ARHGAP21: variants seen among roughly 807,000 people sequenced by gnomAD.
ARHGAP21 encodes rho GTPase-activating protein 21.
ARHGAP21 carries 38 observed loss-of-function variants against 164.6 expected under a neutral mutation model. That is an observed-to-expected ratio of 0.23 (90% confidence interval 0.18 to 0.30). The LOEUF is 0.30. ARHGAP21 is among the 10% of genes least tolerant of loss of function. The pLI is 1.00. For missense variants in ARHGAP21, 1,822 were observed against 2,370.7 expected, an observed-to-expected ratio of 0.77 and a Z score of 4.81; for synonymous variants, 766 against 857.9, an observed-to-expected ratio of 0.89 and a Z score of 1.87.
In ARHGAP21 at chr10:24,619,728, T is replaced by C; in HGVS notation, c.2167A>G (p.Thr723Ala). The change falls in exon 9 of 26, where the codon ACT (threonine) becomes GCT (alanine). Residue 723 changes from threonine to alanine, a missense_variant. Physicochemically the swap from Thr to Ala is moderately conservative, Grantham distance 58. Coordinates refer to ENST00000396432, the MANE Select transcript of ARHGAP21 (RefSeq NM_020824.4). ...TTATCTAAAGTATCTGATTGCTCAG[T>C]TTCAGCCTCTTGTAAACTTAAATCT... ...NQDLSLQEAE[T>A]EQSDTLDNKE... The C allele has an allele frequency of 1.2e-6, 2 of 1,614,198 alleles. No homozygotes were observed. Among genetic ancestry groups the C allele is most frequent in the Non-Finnish European group, 1.7e-6 (2 of 1,180,040 alleles).
chr10:24,714,923 G>C (rs1278281576), intron 2 of ARHGAP21, among the ~76,000 whole-genome samples: 1 of 151,768 alleles, frequency 6.6e-6, no homozygotes, highest in Non-Finnish European at 1.5e-5. Context: ...CCAGCTACTC[G>C]GGAGGCTGAG....
chr10:24,614,475 G>A lies in ARHGAP21; in HGVS notation c.2422+4998C>T, dbSNP rs1473940978. On this transcript the variant is annotated intron_variant, in intron 9 of 25. Transcript: ENST00000396432. Reference sequence around the variant, plus strand: ...TGAAAAGGCTCCAAAGTCTACTTTAGTGAAACAATTTCATAGTTTATAAGA... The same window carrying A: ...TGAAAAGGCTCCAAAGTCTACTTTAATGAAACAATTTCATAGTTTATAAGA... Among the ~76,000 whole-genome samples, 14 of 152,310 alleles carry A rather than the reference G, an allele frequency of 9.2e-5. 1 individual carries two copies. The East Asian group carries it at 1.5e-3, about 17-fold the overall frequency.
chr10:24,718,571 C>A (rs1845626664), intron 2 of ARHGAP21, among the ~76,000 whole-genome samples: 1 of 152,060 alleles, frequency 6.6e-6, no homozygotes, highest in Non-Finnish European at 1.5e-5. Context: ...AGAGAGAGCG[C>A]CTGAGAAGGA....
intron 2 of ARHGAP21, 136 bp from the exon 3 acceptor site, chr10:24,670,533 C>A (rs1593238459): frequency 4.3e-6 from 2 of 465,782 alleles, no homozygotes; most frequent in African/African-American, 2.0e-5. Context: ...ACAAAGCATG[C>A]AATTATCAAA....
At chr10:24,622,599 G>T in intron 8 of ARHGAP21, 134 bp downstream of exon 8, 1 of 930,608 alleles carries the variant, frequency 1.1e-6, no homozygotes, top group Non-Finnish European at 1.6e-6. Context: ...AACGTATTCT[G>T]CAAATTAGTA....
Position 24,600,647 on chromosome 10 carries a change from T to C in ARHGAP21, c.3131A>G (p.Glu1044Gly), listed in dbSNP as rs1564981025. The C allele has an allele frequency of 1.2e-6, 2 of 1,612,418 alleles. No individual in the cohort carries two copies. The highest frequency in any genetic ancestry group is 1.7e-6 in the Non-Finnish European group (2 of 1,178,572). ...TCCAGCATTCCTTTGAACACCCACCTCTTCGTTTAGGTTGCTGCTCTCCTG... is the reference window on the plus strand; with the variant it reads ...TCCAGCATTCCTTTGAACACCCACCCCTTCGTTTAGGTTGCTGCTCTCCTG... ...TIQESSNLNE[E>G]DTGVTNRDLI... The change falls in exon 14 of 26, where the codon GAG (glutamate) becomes GGG (glycine). Residue 1044 changes from glutamate to glycine, a missense_variant and splice_region_variant. Transcript: ENST00000396432.
intron 7 of ARHGAP21, among the ~76,000 whole-genome samples, chr10:24,623,009 CT>C (rs1834733168): frequency 6.6e-6 from 1 of 152,188 alleles, no homozygotes; most frequent in South Asian, 2.1e-4. Flanking sequence ...CAAAATACAT[CT>C]GGTGACATGC....
rs55821707 is a variant in ARHGAP21, at chr10:24,610,249, C to T, written c.2423-2346G>A. On this transcript the variant is annotated intron_variant, in intron 9 of 25. Coordinates refer to ENST00000396432, the MANE Select transcript of ARHGAP21 (RefSeq NM_020824.4). ...AAAATTAGCTGGGCATGGTGGTGCGCGCCTGTAGTCCCAGCTACTCGGGAA... is the reference window on the plus strand; with the variant it reads ...AAAATTAGCTGGGCATGGTGGTGCGTGCCTGTAGTCCCAGCTACTCGGGAA... Among the ~76,000 whole-genome samples, 953 of 152,016 alleles carry T rather than the reference C, an allele frequency of 6.3e-3. 13 individuals are homozygous for T. The highest frequency in any genetic ancestry group is 0.021 in the African/African-American group (885 of 41,484).
At chr10:24,712,176 A>G (rs1419428493) in intron 2 of ARHGAP21, among the ~76,000 whole-genome samples, 1 of 152,158 alleles carries the variant, frequency 6.6e-6, no homozygotes, top group African/African-American at 2.4e-5. Context: ...TCAGCTTCCC[A>G]AAGTGCTGGG....
At chr10:24,656,091 C>T (rs1254741435) in intron 4 of ARHGAP21, among the ~76,000 whole-genome samples, 11 of 146,656 alleles carry the variant, frequency 7.5e-5, no homozygotes, top group East Asian at 6.4e-4. Context: ...GGAGCCTCTC[C>T]GCCCGGCAGC....
rs528269388 is a variant in ARHGAP21, at chr10:24,607,870, A to G, written c.2456T>C (p.Ile819Thr). ...EPTSPSIDHDIAHIPASAVIS... is the reference protein window; with the variant it reads ...EPTSPSIDHDTAHIPASAVIS... ...AACAGCAGAGGCAGGGATATGTGCA[A>G]TATCATGATCAATGCTAGGGCTAGT... The change falls in exon 10 of 26, where the codon ATT becomes ACT. Residue 819 changes from isoleucine (I) to threonine (T), a missense_variant. By Grantham distance (89) the Ile-to-Thr change is moderately conservative. Around this residue, in one of 5 missense-constraint regions of ARHGAP21, gnomAD observed 1,090 missense variants for 1,378.9 expected, o/e 0.79. Coordinates refer to ENST00000396432, the MANE Select transcript of ARHGAP21 (RefSeq NM_020824.4). 3.7e-6 allele frequency: 6 copies of G among 1,613,836 alleles called. No individual in the cohort carries two copies. The highest frequency in any genetic ancestry group is 3.3e-5 in the Admixed American group (2 of 59,970).
intron 24 of ARHGAP21, chr10:24,589,998 T>C (rs1468426310): frequency 1.4e-5 from 3 of 217,400 alleles, no homozygotes; most frequent in Non-Finnish European, 2.4e-5. Flanking sequence ...ATGGAGACCA[T>C]AATTTTACTG....
At chr10:24,656,136 G>C (rs1303745989) in intron 4 of ARHGAP21, among the ~76,000 whole-genome samples, 2 of 140,822 alleles carry the variant, frequency 1.4e-5, no homozygotes, top group Admixed American at 1.4e-4. Flanking sequence ...GTCTCCGCCC[G>C]GCAGCCACCC....
chr10:24,600,521 A>G (rs1486690850), intron 14 of ARHGAP21, 125 bp downstream of exon 14: 7 of 1,215,654 alleles, frequency 5.8e-6, no homozygotes, highest in South Asian at 5.2e-5. Flanking sequence ...CTTTTCATCA[A>G]CTGTTTTACA....
At chr10:24,641,801 C>T (rs1837055690) in intron 4 of ARHGAP21, among the ~76,000 whole-genome samples, 1 of 151,952 alleles carries the variant, frequency 6.6e-6, no homozygotes. Context: ...CAAGACCAGC[C>T]TGGCTAAGAT....
chr10:24,617,358 T>C (rs1834055303), intron 9 of ARHGAP21, among the ~76,000 whole-genome samples: 1 of 152,202 alleles, frequency 6.6e-6, no homozygotes, highest in Non-Finnish European at 1.5e-5. Context: ...GATGCCACTG[T>C]TCTGATAAGA....
chr10:24,616,009 C>A (rs1833913709), intron 9 of ARHGAP21, among the ~76,000 whole-genome samples: 1 of 152,198 alleles, frequency 6.6e-6, no homozygotes, highest in Admixed American at 6.5e-5. Context: ...AACTCCCAAC[C>A]TCAAGTGATC....
In ARHGAP21 at chr10:24,622,725, TTTC is replaced by T; in HGVS notation, c.525+5_525+7del. On this transcript the variant is annotated splice_donor_5th_base_variant and intron_variant, in intron 8 of 25. Transcript: ENST00000396432. ...AAAGCAAGGAAATGGCTACTGTGCA[TTTC>T]TTACCAGTGCTGTGACATCCTTTGT... The T allele has an allele frequency of 6.2e-7, 1 of 1,610,440 alleles. No individual in the cohort carries two copies. The highest frequency in any genetic ancestry group is 8.5e-7 in the Non-Finnish European group (1 of 1,178,680).
intron 9 of ARHGAP21, among the ~76,000 whole-genome samples, chr10:24,618,448 A>G (rs923830622): frequency 1.3e-5 from 2 of 152,180 alleles, no homozygotes; most frequent in African/African-American, 4.8e-5. Context: ...GCTTAAGGGA[A>G]GAGAATGTCC....
Sources: allele counts gnomAD v4.1 joint callset (sites outside exome capture counted in the v4.1 genomes callset), GRCh38; gene constraint gnomAD v4.1.1; regional missense constraint gnomAD v4.1.1; transcripts MANE v1.5; gene names NCBI Gene and HGNC (gene_info 2026-07-23, HGNC 2026-07-21).